ZC3H12B: variants seen among roughly 807,000 people sequenced by gnomAD.
ZC3H12B encodes probable ribonuclease ZC3H12B.
A neutral mutation model predicts 43.9 loss-of-function variants in ZC3H12B; 7 were observed. That is an observed-to-expected ratio of 0.16 (90% CI 0.09 to 0.30). The LOEUF is 0.30. Among genes scored for constraint, ZC3H12B ranks in the 10% least tolerant of loss-of-function variants. The pLI, the probability that ZC3H12B is intolerant of heterozygous loss-of-function variation, is 1.00. For missense variants in ZC3H12B, 475 were observed against 670.2 expected (o/e 0.71, Z 3.22); for synonymous variants, 222 against 241.7 (o/e 0.92, Z 0.76).
At chrX:65,149,354 TTGTC>T in the ZC3H12B span, among the ~76,000 whole-genome samples, 1 of 112,295 alleles carries the variant, frequency 8.9e-6, no homozygotes, top group Admixed American at 9.5e-5. Context: ...GCAGATTTCT[TTGTC>T]AGTTATATAA....
chrX:65,246,552 CA>C, the ZC3H12B span, among the ~76,000 whole-genome samples: 1 of 111,523 alleles, frequency 9.0e-6, no homozygotes, highest in Non-Finnish European at 1.9e-5. Flanking sequence ...GGTACTGGTA[CA>C]AAAAAAGACA....
the ZC3H12B span, among the ~76,000 whole-genome samples, chrX:65,159,386 C>T: frequency 8.9e-6 from 1 of 111,738 alleles, no homozygotes; most frequent in Non-Finnish European, 1.9e-5. Context: ...GGTATTGATT[C>T]TTCCTACCCA....
At chrX:65,161,032 C>G in the ZC3H12B span, among the ~76,000 whole-genome samples, 24 of 110,975 alleles carry the variant, frequency 2.2e-4, no homozygotes, top group Admixed American at 1.8e-3. Flanking sequence ...AGTAGTCATT[C>G]AGGAGCAGGT....
At chrX:65,337,916 T>C in the ZC3H12B span, among the ~76,000 whole-genome samples, 1 of 112,390 alleles carries the variant, frequency 8.9e-6, no homozygotes, top group South Asian at 3.7e-4. Context: ...GTTTTGGGTG[T>C]CATTACTTGT....
the ZC3H12B span, among the ~76,000 whole-genome samples, chrX:65,213,148 TTATATTAATGATATTA>T: frequency 9.1e-6 from 1 of 109,955 alleles, no homozygotes; most frequent in Non-Finnish European, 1.9e-5. Context: ...ATTATAAAAT[TTATATTAATGATATTA>T]TATATCTAAT....
the ZC3H12B span, among the ~76,000 whole-genome samples, chrX:65,303,793 T>C: frequency 8.9e-6 from 1 of 112,419 alleles, no homozygotes; most frequent in African/African-American, 3.2e-5. Flanking sequence ...CTGTTTACAA[T>C]AGCATAAAAA....
At chrX:65,464,746 T>A (rs1192076581) in intron 3 of ZC3H12B, among the ~76,000 whole-genome samples, 1 of 110,826 alleles carries the variant, frequency 9.0e-6, no homozygotes, top group Non-Finnish European at 1.9e-5. Flanking sequence ...ATGTCGGTTT[T>A]TATAGGTAGA....
At chrX:65,161,265 A>T in the ZC3H12B span, among the ~76,000 whole-genome samples, 1 of 111,494 alleles carries the variant, frequency 9.0e-6, no homozygotes, top group Non-Finnish European at 1.9e-5. Flanking sequence ...AGTTCTGTAG[A>T]TATCTATTAG....
At chrX:65,195,878 C>A in the ZC3H12B span, among the ~76,000 whole-genome samples, 1 of 112,184 alleles carries the variant, frequency 8.9e-6, no homozygotes, top group Non-Finnish European at 1.9e-5. Flanking sequence ...TTGCTTTAGG[C>A]CTGGAACCTG....
At chrX:65,269,043 A>G in the ZC3H12B span, among the ~76,000 whole-genome samples, 1 of 112,168 alleles carries the variant, frequency 8.9e-6, no homozygotes, top group East Asian at 2.8e-4. Flanking sequence ...CAAAATCAAC[A>G]TAGAAAAATC....
chrX:65,434,958 G>A (rs1246194721), intron 3 of ZC3H12B, among the ~76,000 whole-genome samples: 1 of 111,696 alleles, frequency 9.0e-6, no homozygotes, highest in Non-Finnish European at 1.9e-5. Context: ...TTATCAGAAT[G>A]TAGAAGCTGT....
the ZC3H12B span, among the ~76,000 whole-genome samples, chrX:65,264,592 CTA>C: frequency 9.0e-6 from 1 of 111,630 alleles, no homozygotes; most frequent in African/African-American, 3.2e-5. Flanking sequence ...AGCTCATTGC[CTA>C]TGTTTGTATT....
chrX:65,122,030 G>A, the ZC3H12B span, among the ~76,000 whole-genome samples: 1 of 111,066 alleles, frequency 9.0e-6, no homozygotes, highest in Admixed American at 9.6e-5. Flanking sequence ...TATAATTTCT[G>A]TTCTTTTGCA....
chrX:65,248,240 G>A, the ZC3H12B span, among the ~76,000 whole-genome samples: 1 of 111,023 alleles, frequency 9.0e-6, no homozygotes, highest in Non-Finnish European at 1.9e-5. Context: ...GTTTGGCCAT[G>A]TTGTCCTGGC....
chrX:65,104,382 G>A, the ZC3H12B span, among the ~76,000 whole-genome samples: 1 of 111,899 alleles, frequency 8.9e-6, no homozygotes, highest in Admixed American at 9.5e-5. Flanking sequence ...AACACCAAAA[G>A]CAATGGCAAC....
intron 3 of ZC3H12B, among the ~76,000 whole-genome samples, chrX:65,434,194 T>G (rs2067194444): frequency 1.8e-5 from 2 of 112,080 alleles, no homozygotes; most frequent in African/African-American, 6.5e-5. Flanking sequence ...CACTGTAAGG[T>G]CTGGCCTGCA....
At chrX:65,501,590 C>T (rs993628122) in intron 4 of ZC3H12B, among the ~76,000 whole-genome samples, 199 bp from the exon 10 acceptor site, 2 of 111,248 alleles carry the variant, frequency 1.8e-5, no homozygotes, top group African/African-American at 6.5e-5. Context: ...TTCTCCATAG[C>T]TTTCCACTTT....
chrX:65,123,481 T>A, the ZC3H12B span, among the ~76,000 whole-genome samples: 1 of 111,275 alleles, frequency 9.0e-6, no homozygotes, highest in African/African-American at 3.3e-5. Flanking sequence ...CTTCTATTCA[T>A]TTGAATACCA....
At chrX:65,420,371 AATAGGCCAGCCCACCTGAGGACTCTAGC>A (rs1407792234) in intron 3 of ZC3H12B, among the ~76,000 whole-genome samples, 6 of 112,127 alleles carry the variant, frequency 5.4e-5, no homozygotes, top group Non-Finnish European at 7.5e-5. Flanking sequence ...TGATCCATAC[AATAGGCCAGCCCACCTGAGGACTCTAGC>A]AGCAGGCTGC....
Sources: gnomAD v4.1 joint callset for allele counts (sites outside exome capture counted in the v4.1 genomes callset) on GRCh38, gnomAD v4.1.1 for gene constraint, MANE v1.5 for transcripts, NCBI Gene and HGNC (gene_info 2026-07-23, HGNC 2026-07-21) for gene names.